ABI3BP: variants seen among roughly 807,000 people sequenced by gnomAD.
ABI3BP encodes the protein ABI family member 3 binding protein, also known as target of Nesh-SH3.
Under a neutral mutation model 268.6 loss-of-function variants are expected in ABI3BP, and 216 were observed. The observed-to-expected ratio is 0.80, with a 90% CI of 0.72 to 0.90. The LOEUF (loss-of-function observed/expected upper bound fraction) is 0.90, where lower values mean the gene tolerates loss of function less well. ABI3BP is among the 40% of genes least tolerant of loss of function. The pLI is 0.00. For synonymous variants in ABI3BP, 730 were observed against 730.0 expected, an observed-to-expected ratio of 1.00 and a Z score of 0.00; for missense variants, 2,090 against 2,182.4, an observed-to-expected ratio of 0.96 and a Z score of 0.84.
At chr3:100,973,236 T>C (rs1223815275) in intron 1 of ABI3BP, among the ~76,000 whole-genome samples, 1 of 152,178 alleles carries the variant, frequency 6.6e-6, no homozygotes, top group Non-Finnish European at 1.5e-5. Flanking sequence ...ATCAACAACG[T>C]GTATTAAGTA....
Position 100,803,055 on chromosome 3 carries a change from A to G in ABI3BP, c.3757+1737T>C, listed in dbSNP as rs903889090. ...CCTGGGGGTGCCACACCCCTGGGGC[A>G]AGGGAGAACCCTGATCATATGGCAG... On this transcript the variant is annotated intron_variant, in intron 51 of 67. Coordinates refer to ENST00000471714, the MANE Select transcript of ABI3BP (RefSeq NM_001375547.2). Among the ~76,000 whole-genome samples the G allele has an allele frequency of 1.4e-5, 2 of 146,076 alleles. 1 individual carries two copies. Among genetic ancestry groups the G allele is most frequent in the Non-Finnish European group, 3.1e-5 (2 of 64,380 alleles).
Position 100,751,674 on chromosome 3 carries a change from C to A in ABI3BP, c.5123G>T (p.Gly1708Val). 1 of 1,586,058 alleles carries A rather than the reference C, an allele frequency of 6.3e-7. No individual in the cohort carries two copies. The highest frequency in any genetic ancestry group is 8.6e-7 in the Non-Finnish European group (1 of 1,167,268). Residue 1708 changes from glycine (G) to valine (V), a missense_variant and splice_region_variant, in exon 67 of 68, where the codon GGA (glycine) becomes GTA (valine). Physicochemically the swap from Gly to Val is moderately radical, Grantham distance 109. Transcript: ENST00000471714. ...CTGATCACCTATGTTATAAAATTTT[C>A]CTGAAGAACCAGAAATTAAAAGGAT... ...YKIYLSDSLTGKFYNIGDQRG... is the reference protein window; with the variant it reads ...YKIYLSDSLTVKFYNIGDQRG...
intron 9 of ABI3BP, among the ~76,000 whole-genome samples, chr3:100,867,606 A>G (rs77822730): frequency 0.049 from 6,587 of 134,708 alleles, 472 homozygotes; most frequent in East Asian, 0.16. Flanking sequence ...ACGCCATTGC[A>G]CTCCAGCCTG....
At chr3:100,824,973 G>C (rs938705945) in intron 35 of ABI3BP, 32 bp from the exon 36 acceptor site, 2 of 1,515,044 alleles carry the variant, frequency 1.3e-6, no homozygotes, top group African/African-American at 2.8e-5. Flanking sequence ...TGTTACTCTA[G>C]GTCTTATGAT....
In ABI3BP at chr3:100,811,813, G is replaced by A. The variant is rs74417454; in HGVS notation, c.3422-14C>T. On this transcript the variant is annotated splice_polypyrimidine_tract_variant and intron_variant, in intron 46 of 67. Transcript: ENST00000471714. ...TTTTGGCTGGTGCTAGGGAAGAAAC[G>A]GGAATGGCTGGTTAGTGGTGGCCAA... is the stretch of plus-strand genomic sequence containing the variant. 949 of 1,534,450 alleles carry A rather than the reference G, an allele frequency of 6.2e-4. 3 individuals carry two copies. The African/African-American group carries it at 0.01, about 16-fold the overall frequency.
chr3:100,973,197 G>T (rs117064731), intron 1 of ABI3BP, among the ~76,000 whole-genome samples: 2,508 of 152,248 alleles, frequency 0.016, 83 homozygotes, highest in East Asian at 0.062. Flanking sequence ...GAGCTCTACT[G>T]CTGTTGGCCA....
chr3:100,958,867 T>C lies in ABI3BP; in HGVS notation c.80-32386A>G, dbSNP rs760063785. On this transcript the variant is annotated intron_variant, in intron 1 of 67. Transcript: ENST00000471714. ...GGACACAAAGGGAGTTTTTATCTAC[T>C]TGTGGGCTCTTCACGAACCTCATGG... Among the ~76,000 whole-genome samples the C allele has an allele frequency of 5.3e-5, 8 of 152,324 alleles. No individual in the cohort carries two copies. In the South Asian group the frequency reaches 6.2e-4, roughly 12 times the overall value.
intron 3 of ABI3BP, among the ~76,000 whole-genome samples, chr3:100,902,380 C>T (rs567220558): frequency 2.6e-5 from 4 of 152,130 alleles, no homozygotes; most frequent in African/African-American, 2.4e-5. Context: ...TAGAGAGGTT[C>T]AATAACTTAT....
chr3:100,793,155 G>T (rs187494296), intron 54 of ABI3BP, among the ~76,000 whole-genome samples: 2 of 151,704 alleles, frequency 1.3e-5, no homozygotes, highest in African/African-American at 4.8e-5. Context: ...GAGCTGGAAA[G>T]GAAGTATATC....
At chr3:100,820,385 T>A in intron 39 of ABI3BP, 82 bp from the exon 40 acceptor site, 1 of 1,016,314 alleles carries the variant, frequency 9.8e-7, no homozygotes, top group Non-Finnish European at 1.4e-6. Context: ...TGAGATCTCT[T>A]AAAACTTACT....
chr3:100,925,665 C>T (rs955628193), intron 2 of ABI3BP, among the ~76,000 whole-genome samples: 1 of 151,982 alleles, frequency 6.6e-6, no homozygotes, highest in African/African-American at 2.4e-5. Flanking sequence ...CTGCCCACCT[C>T]AGCCTCCCAA....
intron 2 of ABI3BP, among the ~76,000 whole-genome samples, chr3:100,907,716 C>T (rs2054094548): frequency 6.6e-6 from 1 of 151,840 alleles, no homozygotes; most frequent in Admixed American, 6.6e-5. Flanking sequence ...AATATCGATG[C>T]AAAAAAACCC....
intron 1 of ABI3BP, among the ~76,000 whole-genome samples, chr3:100,953,457 C>T (rs2075800863): frequency 1.3e-5 from 2 of 152,120 alleles, no homozygotes; most frequent in South Asian, 4.2e-4. Context: ...GAGTAAGATA[C>T]TACATCACCC....
At chr3:100,860,946 A>G (rs2098991502) in intron 14 of ABI3BP, among the ~76,000 whole-genome samples, 1 of 152,212 alleles carries the variant, frequency 6.6e-6, no homozygotes, top group Non-Finnish European at 1.5e-5. Context: ...TAGTTGTTGC[A>G]TCATAATTAC....
intron 17 of ABI3BP, 56 bp from the exon 18 acceptor site, chr3:100,848,931 G>T: frequency 3.3e-6 from 5 of 1,501,984 alleles, no homozygotes; most frequent in Non-Finnish European, 4.6e-6. Context: ...GGTCAATCAG[G>T]TTGTGCCTGT....
intron 1 of ABI3BP, among the ~76,000 whole-genome samples, chr3:100,941,952 G>A (rs1244430942): frequency 2.0e-5 from 3 of 152,060 alleles, no homozygotes; most frequent in African/African-American, 7.2e-5. Flanking sequence ...GAAGGTGGGA[G>A]AGGCAACCTC....
At chr3:100,887,605 T>C (rs1204366546) in intron 4 of ABI3BP, among the ~76,000 whole-genome samples, 2 of 152,072 alleles carry the variant, frequency 1.3e-5, no homozygotes, top group Non-Finnish European at 2.9e-5. Context: ...GATGGAAACA[T>C]ACGCATTGGG....
chr3:100,982,283 C>T (rs1031763166), intron 1 of ABI3BP, among the ~76,000 whole-genome samples: 1 of 152,080 alleles, frequency 6.6e-6, no homozygotes, highest in Non-Finnish European at 1.5e-5. Flanking sequence ...AACACAGAGC[C>T]AAACTATATT....
intron 63 of ABI3BP, among the ~76,000 whole-genome samples, chr3:100,763,435 C>G (rs1334450476): frequency 6.6e-6 from 1 of 151,032 alleles, no homozygotes; most frequent in Non-Finnish European, 1.5e-5. Context: ...TGTGCTCCAG[C>G]CTGGGTGACA....
Sources: gnomAD v4.1 joint callset for allele counts (sites outside exome capture counted in the v4.1 genomes callset) on GRCh38, gnomAD v4.1.1 for gene constraint, MANE v1.5 for transcripts, NCBI Gene and HGNC (gene_info 2026-07-23, HGNC 2026-07-21) for gene names.